ARHGEF4: variants seen among roughly 807,000 people sequenced by gnomAD.
ARHGEF4 encodes the protein APC-stimulated guanine nucleotide exchange factor 1.
Under a neutral mutation model 162.0 loss-of-function variants are expected in ARHGEF4, and 119 were observed. That is an observed-to-expected ratio of 0.73 (90% CI 0.63 to 0.86). The LOEUF (loss-of-function observed/expected upper bound fraction) is 0.86. Ranked by LOEUF, ARHGEF4 falls within the 40% of genes least tolerant of loss-of-function variation. The pLI, the probability that ARHGEF4 is intolerant of heterozygous loss-of-function variation, is 0.00. For synonymous variants in ARHGEF4, 1,014 were observed against 979.9 expected, an observed-to-expected ratio of 1.03 and a Z score of -0.65; for missense variants, 2,488 against 2,456.0, an observed-to-expected ratio of 1.01 and a Z score of -0.28.
intron 2 of ARHGEF4, among the ~76,000 whole-genome samples, chr2:130,921,281 C>T (rs1045038673): frequency 6.6e-6 from 1 of 152,144 alleles, no homozygotes; most frequent in African/African-American, 2.4e-5. Context: ...GCGGGCGGAT[C>T]ACGAGGTCAG....
intron 3 of ARHGEF4, among the ~76,000 whole-genome samples, chr2:130,936,880 T>C (rs1032961070): frequency 1.1e-5 from 1 of 88,822 alleles, no homozygotes; most frequent in Non-Finnish European, 2.8e-5. Context: ...ATTTTCTCTC[T>C]TTCTTTCTTT....
At chr2:130,971,526 C>G (rs533842090) in intron 4 of ARHGEF4, among the ~76,000 whole-genome samples, 1 of 151,862 alleles carries the variant, frequency 6.6e-6, no homozygotes, top group Non-Finnish European at 1.5e-5. Flanking sequence ...GGCGTGGTGG[C>G]GGGCGCCTGT....
intron 5 of ARHGEF4, among the ~76,000 whole-genome samples, chr2:131,032,854 T>C (rs10928503): frequency 0.77 from 93,065 of 120,630 alleles, 37,776 homozygotes; most frequent in Non-Finnish European, 0.88. Context: ...TTTTCTTTTT[T>C]TTTTTTTTTT....
chr2:130,990,595 G>A (rs746706135), intron 4 of ARHGEF4, among the ~76,000 whole-genome samples: 5 of 151,986 alleles, frequency 3.3e-5, no homozygotes, highest in Non-Finnish European at 5.9e-5. Context: ...AGCTAAACTC[G>A]TAGGAATCAA....
Position 130,859,443 on chromosome 2 carries a change from G to A in ARHGEF4, c.39+22451G>A, listed in dbSNP as rs1285112188. Among the ~76,000 whole-genome samples, 4 of 81,604 alleles carry A rather than the reference G, an allele frequency of 4.9e-5. 1 individual carries two copies. The highest frequency in any genetic ancestry group is 1.2e-4 in the Non-Finnish European group (4 of 32,038). The allele number at this position is 81,604 out of a possible 152,430, so 53.5% of individuals were successfully genotyped here. A position where few individuals can be genotyped will look rare whatever the true frequency, so the allele number is the denominator to read the frequency against. ...GTATCTGATAAAGAATTTGTATCCA[G>A]AATATACATAAACAGTCCTTACAGG... On this transcript the variant is annotated intron_variant, in intron 1 of 13. Transcript: ENST00000409359.
intron 4 of ARHGEF4, among the ~76,000 whole-genome samples, chr2:131,019,779 G>T (rs567929511): frequency 8.0e-4 from 122 of 152,034 alleles, no homozygotes; most frequent in Admixed American, 9.8e-4. Flanking sequence ...GACTACAGGC[G>T]CCTGCCACCA....
chr2:131,016,238 C>T (rs1688771794), intron 4 of ARHGEF4, among the ~76,000 whole-genome samples: 1 of 152,234 alleles, frequency 6.6e-6, no homozygotes, highest in Admixed American at 6.5e-5. Context: ...GGTTTCCCAG[C>T]ATCATCACGC....
At chr2:130,884,895 G>A (rs1480501547) in intron 1 of ARHGEF4, among the ~76,000 whole-genome samples, 1 of 152,066 alleles carries the variant, frequency 6.6e-6, no homozygotes, top group East Asian at 1.9e-4. Context: ...CCAGGAAGAG[G>A]CTCGGCCTCT....
intron 4 of ARHGEF4, among the ~76,000 whole-genome samples, chr2:131,018,517 T>C (rs1241536379): frequency 6.6e-6 from 1 of 152,244 alleles, no homozygotes; most frequent in Non-Finnish European, 1.5e-5. Flanking sequence ...ATCAGATATA[T>C]GATTTGCAGA....
intron 10 of ARHGEF4, among the ~76,000 whole-genome samples, 168 bp downstream of exon 10, chr2:131,042,112 C>A (rs927178443): frequency 6.6e-6 from 1 of 152,236 alleles, no homozygotes; most frequent in Non-Finnish European, 1.5e-5. Context: ...GGGCTCTGGA[C>A]CTTTGCTGCT....
chr2:130,988,930 A>AGAGAGG (rs1243684418), intron 4 of ARHGEF4, among the ~76,000 whole-genome samples: 1 of 149,532 alleles, frequency 6.7e-6, no homozygotes, highest in African/African-American at 2.5e-5. Context: ...AGAGAGAGAG[A>AGAGAGG]GAGAGAAAGA....
chr2:130,956,371 G>A (rs1272327796), intron 4 of ARHGEF4, among the ~76,000 whole-genome samples: 1 of 151,920 alleles, frequency 6.6e-6, no homozygotes, highest in East Asian at 1.9e-4. Flanking sequence ...CACTGTTGGT[G>A]GGACTGTAAA....
At chr2:130,992,944 C>G (rs965657216) in intron 4 of ARHGEF4, among the ~76,000 whole-genome samples, 2 of 152,042 alleles carry the variant, frequency 1.3e-5, no homozygotes, top group Non-Finnish European at 2.9e-5. Flanking sequence ...ATAAGGCAGG[C>G]GTGATTGTGC....
chr2:130,917,533 C>G (rs1681577405), intron 2 of ARHGEF4, 35 bp downstream of exon 2: 2 of 1,519,486 alleles, frequency 1.3e-6, no homozygotes, highest in African/African-American at 1.4e-5. Flanking sequence ...CTTTCCTGAC[C>G]TCTGCAGGCA....
intron 4 of ARHGEF4, among the ~76,000 whole-genome samples, chr2:130,987,040 T>A (rs148885204): frequency 3.9e-5 from 6 of 152,298 alleles, no homozygotes; most frequent in Middle Eastern, 6.8e-3. Flanking sequence ...TGCAGCAGCC[T>A]CTTGAGTGCT....
In ARHGEF4 at chr2:130,916,291, G is replaced by C; in HGVS notation, c.2345G>C (p.Arg782Pro). 1 of 1,538,260 alleles carries C rather than the reference G, an allele frequency of 6.5e-7. No homozygotes were observed. Among genetic ancestry groups the C allele is most frequent in the Non-Finnish European group, 8.7e-7 (1 of 1,143,420 alleles). The part of the protein sequence containing the change: ...LEPPQPPRGL[R>P]KGAQEPGKRP... ...CCGCCCCAGCCGCCACGCGGGCTCCGCAAGGGCGCGCAGGAGCCTGGGAAG... is the reference window on the plus strand; with the variant it reads ...CCGCCCCAGCCGCCACGCGGGCTCCCCAAGGGCGCGCAGGAGCCTGGGAAG... Residue 782 changes from arginine (R) to proline (P), a missense_variant, in exon 2 of 14, where the codon CGC (arginine) becomes CCC (proline). Transcript: ENST00000409359.
chr2:130,938,418 G>T (rs189370375), intron 3 of ARHGEF4, among the ~76,000 whole-genome samples: 2 of 152,126 alleles, frequency 1.3e-5, no homozygotes, highest in South Asian at 2.1e-4. Context: ...GTTCTAAGGC[G>T]CCATAATGTA....
At chr2:130,845,996 C>T (rs1337425476) in intron 1 of ARHGEF4, among the ~76,000 whole-genome samples, 1 of 152,242 alleles carries the variant, frequency 6.6e-6, no homozygotes, top group African/African-American at 2.4e-5. Context: ...GTGCACCGGT[C>T]GAAACCCTCA....
chr2:130,914,833 C>T lies in ARHGEF4; in HGVS notation c.887C>T (p.Pro296Leu). 1 of 1,458,976 alleles carries T rather than the reference C, an allele frequency of 6.9e-7. No individual in the cohort carries two copies. The highest frequency in any genetic ancestry group is 1.5e-5 in the South Asian group (1 of 68,728). 90.4% of individuals were successfully genotyped at this position (1,458,976 alleles called of 1,614,324 possible). Reference protein sequence around the residue: ...SQPHSDVPCQPPLRTSCLLRT... With the variant: ...SQPHSDVPCQLPLRTSCLLRT... ...CCCCACTCGGATGTCCCCTGCCAGCCTCCTTTGAGGACATCTTGCCTCCTA... is the reference window on the plus strand; with the variant it reads ...CCCCACTCGGATGTCCCCTGCCAGCTTCCTTTGAGGACATCTTGCCTCCTA... The change falls in exon 2 of 14, where the codon CCT becomes CTT. Residue 296 changes from proline to leucine, a missense_variant. Transcript: ENST00000409359.
Sources: gnomAD v4.1 joint callset for allele counts (sites outside exome capture counted in the v4.1 genomes callset) on GRCh38, gnomAD v4.1.1 for gene constraint, MANE v1.5 for transcripts, NCBI Gene and HGNC (gene_info 2026-07-23, HGNC 2026-07-21) for gene names.